MAGI2: variants seen among roughly 807,000 people sequenced by gnomAD.
The protein encoded by MAGI2 is membrane associated guanylate kinase, WW and PDZ domain containing 2, also known as membrane-associated guanylate kinase, WW and PDZ domain-containing protein 2.
A neutral mutation model predicts 133.3 loss-of-function variants in MAGI2; 35 were observed. That is an observed-to-expected ratio of 0.26 (90% CI 0.20 to 0.35). The LOEUF is 0.35. MAGI2 is among the 10% of genes least tolerant of loss of function. MAGI2 has a pLI of 1.00. For missense variants in MAGI2, 1,636 were observed against 1,863.4 expected, an observed-to-expected ratio of 0.88 and a Z score of 2.25; for synonymous variants, 729 against 710.6, an observed-to-expected ratio of 1.03 and a Z score of -0.41.
At chr7:78,926,708 G>A (rs1183555260) in intron 2 of MAGI2, among the ~76,000 whole-genome samples, 1 of 151,960 alleles carries the variant, frequency 6.6e-6, no homozygotes, top group Admixed American at 6.6e-5. Flanking sequence ...AATAAACTAA[G>A]AAATGAGTTA....
At chr7:78,642,450 C>G (rs748251575) in intron 2 of MAGI2, among the ~76,000 whole-genome samples, 4 of 152,152 alleles carry the variant, frequency 2.6e-5, no homozygotes, top group Non-Finnish European at 2.9e-5. Flanking sequence ...ATTGATTCAA[C>G]AGGAGAGAGC....
Position 79,407,532 on chromosome 7 carries a change from T to A in MAGI2, c.301+45488A>T, listed in dbSNP as rs1470457933. ...GTTCGTTCTAACTGGTGCACTGTTG[T>A]GAATGTAGGCAAGCCACTTCACATT... On this transcript the variant is annotated intron_variant, in intron 1 of 21. Transcript: ENST00000354212. Among the ~76,000 whole-genome samples, 10 of 152,184 alleles carry A rather than the reference T, an allele frequency of 6.6e-5. No homozygotes were observed. The East Asian group carries it at 1.9e-3, about 29-fold the overall frequency.
intron 2 of MAGI2, among the ~76,000 whole-genome samples, chr7:78,996,911 C>G (rs1806359757): frequency 6.6e-6 from 1 of 152,108 alleles, no homozygotes; most frequent in African/African-American, 2.4e-5. Flanking sequence ...CAAAAAGTAA[C>G]TCAGAGCAAG....
chr7:78,219,585 A>G (rs1009980421), intron 10 of MAGI2, among the ~76,000 whole-genome samples: 3 of 152,156 alleles, frequency 2.0e-5, no homozygotes, highest in Non-Finnish European at 1.5e-5. Context: ...TGTCAAGACC[A>G]ACTGTTCAGC....
intron 2 of MAGI2, among the ~76,000 whole-genome samples, chr7:78,733,148 T>C (rs1398005768): frequency 3.9e-5 from 6 of 152,178 alleles, no homozygotes; most frequent in Non-Finnish European, 8.8e-5. Context: ...ATGAGGAAAC[T>C]CAGCAATCCA....
At chr7:78,779,056 G>A (rs1374211250) in intron 2 of MAGI2, among the ~76,000 whole-genome samples, 2 of 151,990 alleles carry the variant, frequency 1.3e-5, no homozygotes, top group African/African-American at 4.8e-5. Flanking sequence ...GCAGGCACAT[G>A]TGCCACCTTG....
At chr7:78,053,730 T>C (rs1010205932) in intron 21 of MAGI2, among the ~76,000 whole-genome samples, 1 of 152,196 alleles carries the variant, frequency 6.6e-6, no homozygotes, top group African/African-American at 2.4e-5. Context: ...AGTGCCCATT[T>C]ATTGGGGTGG....
intron 1 of MAGI2, among the ~76,000 whole-genome samples, chr7:79,149,161 T>C (rs980618640): frequency 1.4e-5 from 2 of 143,280 alleles, no homozygotes; most frequent in African/African-American, 5.2e-5. Flanking sequence ...ATATATATAT[T>C]ATATATATAG....
chr7:79,146,161 T>A (rs1219835628), intron 1 of MAGI2, among the ~76,000 whole-genome samples: 2 of 152,198 alleles, frequency 1.3e-5, no homozygotes, highest in East Asian at 3.9e-4. Flanking sequence ...GCTTATTGTG[T>A]AAGCTTTAAA....
rs1814325033 is a variant in MAGI2 at position 78,070,090 on chromosome 7, AACACACACACACACATAC to A, written c.3706+8839_3706+8856del. ...CTTGGTAGATTTCTTGGTCACTATA[AACACACACACACACATAC>A]ACACACACACACACACACATATATG... is the stretch of plus-strand genomic sequence containing the variant. On this transcript the variant is annotated intron_variant, in intron 21 of 21. Coordinates refer to ENST00000354212, the MANE Select transcript of MAGI2 (RefSeq NM_012301.4). Among the ~76,000 whole-genome samples, 4 of 125,024 alleles carry A rather than the reference AACACACACACACACATAC, an allele frequency of 3.2e-5. No individual in the cohort carries two copies. In the South Asian group the frequency reaches 9.1e-4, roughly 29 times the overall value. The allele number at this position is 125,024 out of a possible 152,430, so 82.0% of individuals were successfully genotyped here.
chr7:78,195,220 T>C (rs1828612187), intron 11 of MAGI2, among the ~76,000 whole-genome samples, 157 bp from the exon 12 acceptor site: 1 of 152,240 alleles, frequency 6.6e-6, no homozygotes, highest in Admixed American at 6.5e-5. Context: ...ATTTTATGTC[T>C]ATGTAAGACA....
At chr7:78,294,978 CAT>C (rs1797086773) in intron 9 of MAGI2, among the ~76,000 whole-genome samples, 1 of 102,820 alleles carries the variant, frequency 9.7e-6, no homozygotes, top group African/African-American at 2.7e-5. Flanking sequence ...CAGAACAGAA[CAT>C]ATTATTTTTA....
At chr7:79,169,831 T>G (rs1367270598) in intron 1 of MAGI2, among the ~76,000 whole-genome samples, 1 of 152,064 alleles carries the variant, frequency 6.6e-6, no homozygotes, top group Non-Finnish European at 1.5e-5. Flanking sequence ...TAATAAAAAT[T>G]TGCAGGAGGG....
intron 2 of MAGI2, among the ~76,000 whole-genome samples, chr7:78,942,883 G>A (rs1288423910): frequency 1.9e-4 from 26 of 137,798 alleles, no homozygotes; most frequent in East Asian, 1.3e-3. Flanking sequence ...AATCTAGGGC[G>A]TAGTAAGTGA....
rs543653464 is a variant in MAGI2 at position 79,062,130 on chromosome 7, A to C, written c.302-54924T>G. Reference sequence around the variant, plus strand: ...AAAATACATATCTAGGCCAAACTACAGGCTCATGATTCATTTTAACTGTAC... The same window carrying C: ...AAAATACATATCTAGGCCAAACTACCGGCTCATGATTCATTTTAACTGTAC... On this transcript the variant is annotated intron_variant, in intron 1 of 21. Coordinates refer to ENST00000354212, the MANE Select transcript of MAGI2 (RefSeq NM_012301.4). Among the ~76,000 whole-genome samples the C allele has an allele frequency of 2.0e-5, 3 of 152,232 alleles. No homozygotes were observed. The East Asian group carries it at 5.8e-4, about 29-fold the overall frequency.
chr7:78,903,674 A>T (rs1797789804), intron 2 of MAGI2, among the ~76,000 whole-genome samples: 1 of 152,168 alleles, frequency 6.6e-6, no homozygotes, highest in South Asian at 2.1e-4. Flanking sequence ...AATGTCCCTG[A>T]CATACATTTT....
intron 2 of MAGI2, among the ~76,000 whole-genome samples, chr7:78,770,006 C>A (rs1279251678): frequency 6.6e-6 from 1 of 152,188 alleles, no homozygotes; most frequent in Non-Finnish European, 1.5e-5. Flanking sequence ...TGACTAATAC[C>A]TCTGGGCAGT....
rs149098007 is a variant in MAGI2, at chr7:78,401,068, A to G, written c.1046-31855T>C. Among the ~76,000 whole-genome samples the G allele has an allele frequency of 6.3e-3, 512 of 81,696 alleles. 1 individual carries two copies. Among genetic ancestry groups the G allele is most frequent in the African/African-American group, 0.019 (479 of 25,148 alleles). The allele number at this position is 81,696 out of a possible 152,430, so 53.6% of individuals were successfully genotyped here. A position where few individuals can be genotyped will look rare whatever the true frequency, so the allele number is the denominator to read the frequency against. On this transcript the variant is annotated intron_variant, in intron 6 of 21. Transcript: ENST00000354212. ...ATGGTTTCTTATTTCCATTCCTTTGAAAAAAAAAATAAAATTTTCTAACTC... is the reference window on the plus strand; with the variant it reads ...ATGGTTTCTTATTTCCATTCCTTTGGAAAAAAAAATAAAATTTTCTAACTC...
intron 2 of MAGI2, among the ~76,000 whole-genome samples, chr7:78,836,774 C>A (rs1253586974): frequency 2.6e-5 from 4 of 152,172 alleles, no homozygotes; most frequent in Non-Finnish European, 5.9e-5. Flanking sequence ...CATTACCAGT[C>A]CCCTGAATCA....
Sources: gnomAD v4.1 joint callset for allele counts (sites outside exome capture counted in the v4.1 genomes callset) on GRCh38, gnomAD v4.1.1 for gene constraint, MANE v1.5 for transcripts, NCBI Gene and HGNC (gene_info 2026-07-23, HGNC 2026-07-21) for gene names.